AFF1: variants seen among roughly 807,000 people sequenced by gnomAD.
The protein encoded by AFF1 is ALF transcription elongation factor 1, also known as AF4/FMR2 family member 1.
A neutral mutation model predicts 121.7 loss-of-function variants in AFF1; 48 were observed. That is an observed-to-expected ratio of 0.39 (90% CI 0.31 to 0.50). The LOEUF (loss-of-function observed/expected upper bound fraction) is 0.50. Among genes scored for constraint, AFF1 ranks in the 20% least tolerant of loss-of-function variants. The pLI, the probability that AFF1 is intolerant of heterozygous loss-of-function variation, is 0.76. For missense variants in AFF1, 1,523 were observed against 1,511.7 expected, an observed-to-expected ratio of 1.01 and a Z score of -0.12; for synonymous variants, 613 against 563.0, an observed-to-expected ratio of 1.09 and a Z score of -1.26.
intron 4 of AFF1, among the ~76,000 whole-genome samples, chr4:87,056,277 A>T: frequency 6.6e-6 from 1 of 152,200 alleles, no homozygotes; most frequent in East Asian, 1.9e-4. Flanking sequence ...TACAAATAAT[A>T]GAACTCTGAA....
In AFF1 at chr4:87,136,748, A is replaced by C; in HGVS notation, c.*1047A>C. Reference sequence around the variant, plus strand: ...TCAGAGTTTCGTCAGTGAACAAGAAACATGAAATCTGCTTCTTAGAGAGGC... The same window carrying C: ...TCAGAGTTTCGTCAGTGAACAAGAACCATGAAATCTGCTTCTTAGAGAGGC... On this transcript the variant is annotated 3_prime_UTR_variant, in exon 21 of 21. Coordinates refer to ENST00000395146, the MANE Select transcript of AFF1 (RefSeq NM_001166693.3). 4.4e-6 allele frequency: 1 copy of C among 227,790 alleles called. No individual in the cohort carries two copies. Among genetic ancestry groups the C allele is most frequent in the Non-Finnish European group, 8.7e-6 (1 of 114,684 alleles). 14.1% of individuals were successfully genotyped at this position (227,790 alleles called of 1,614,324 possible).
intron 2 of AFF1, among the ~76,000 whole-genome samples, chr4:86,982,944 G>A (rs1363573646): frequency 6.6e-6 from 1 of 151,090 alleles, no homozygotes; most frequent in African/African-American, 2.4e-5. Context: ...ACCAGGAAGT[G>A]AGCCTTTACC....
At chr4:87,105,075 C>G (rs1175508636) in intron 8 of AFF1, among the ~76,000 whole-genome samples, 2 of 152,196 alleles carry the variant, frequency 1.3e-5, no homozygotes, top group African/African-American at 4.8e-5. Flanking sequence ...TTGATAGCAT[C>G]ATACATCTTA....
intron 4 of AFF1, among the ~76,000 whole-genome samples, chr4:87,071,290 A>G (rs1722028378): frequency 6.6e-6 from 1 of 151,866 alleles, no homozygotes; most frequent in African/African-American, 2.4e-5. Flanking sequence ...ACTGTTGGAC[A>G]TTGAGATGGC....
chr4:87,115,823 C>G (rs976843554), intron 12 of AFF1, among the ~76,000 whole-genome samples: 1 of 151,846 alleles, frequency 6.6e-6, no homozygotes, highest in Non-Finnish European at 1.5e-5. Context: ...GTTGGCCAGG[C>G]TGCTCTTGAA....
chr4:87,139,857 A>G lies in AFF1; in HGVS notation c.*4156A>G, dbSNP rs1471993046. ...GGTTTCTCGGTGACTTGGAGTGTTCATCTCTTCATGAATTGTGAGCACTGA... is the reference window on the plus strand; with the variant it reads ...GGTTTCTCGGTGACTTGGAGTGTTCGTCTCTTCATGAATTGTGAGCACTGA... On this transcript the variant is annotated 3_prime_UTR_variant, in exon 21 of 21. Coordinates refer to ENST00000395146, the MANE Select transcript of AFF1 (RefSeq NM_001166693.3). 1 of 224,086 alleles carries G rather than the reference A, an allele frequency of 4.5e-6. No individual in the cohort carries two copies. Among genetic ancestry groups the G allele is most frequent in the Non-Finnish European group, 8.9e-6 (1 of 112,546 alleles). 13.9% of individuals were successfully genotyped at this position (224,086 alleles called of 1,614,324 possible). A position where few individuals can be genotyped will look rare whatever the true frequency, so the allele number is the denominator to read the frequency against.
intron 2 of AFF1, among the ~76,000 whole-genome samples, chr4:87,003,729 G>A (rs1404242915): frequency 6.6e-6 from 1 of 152,132 alleles, no homozygotes; most frequent in Non-Finnish European, 1.5e-5. Context: ...TAGCATAAAT[G>A]ATCACAGTCA....
chr4:87,067,443 C>T (rs1036413566), intron 4 of AFF1, among the ~76,000 whole-genome samples: 1 of 152,162 alleles, frequency 6.6e-6, no homozygotes, highest in Non-Finnish European at 1.5e-5. Context: ...TGTAACTTCA[C>T]GAGAATTACT....
intron 2 of AFF1, among the ~76,000 whole-genome samples, chr4:86,957,691 T>C (rs1313931640): frequency 6.6e-6 from 1 of 152,028 alleles, no homozygotes; most frequent in African/African-American, 2.4e-5. Flanking sequence ...TACAGGTGCA[T>C]GCCACCACAC....
At chr4:87,084,601 T>TAAAA (rs908689990) in intron 5 of AFF1, among the ~76,000 whole-genome samples, 134 of 112,250 alleles carry the variant, frequency 1.2e-3, no homozygotes, top group Middle Eastern at 4.1e-3. Context: ...AATAAATAAA[T>TAAAA]AAAAAATAAA....
At chr4:87,034,192 C>T (rs1398044865) in intron 2 of AFF1, among the ~76,000 whole-genome samples, 1 of 152,094 alleles carries the variant, frequency 6.6e-6, no homozygotes, top group Non-Finnish European at 1.5e-5. Context: ...AGCATGCAAA[C>T]GGGGATTAGC....
At chr4:87,029,845 GTC>G (rs1479715237) in intron 2 of AFF1, among the ~76,000 whole-genome samples, 1 of 152,162 alleles carries the variant, frequency 6.6e-6, no homozygotes, top group Non-Finnish European at 1.5e-5. Flanking sequence ...TTGTGAAAAG[GTC>G]AAGCTTTGGA....
chr4:87,092,550 G>C (rs1344462552), intron 7 of AFF1, among the ~76,000 whole-genome samples: 1 of 151,998 alleles, frequency 6.6e-6, no homozygotes, highest in Admixed American at 6.6e-5. Context: ...TTCAGCCTGA[G>C]GGTTAAATCT....
rs1046615532 is a variant in AFF1, at chr4:87,046,359, A to G, written c.159+73A>G. The G allele has an allele frequency of 4.5e-6, 7 of 1,539,900 alleles. No individual in the cohort carries two copies. In the African/African-American group the frequency reaches 7.0e-5, roughly 15 times the overall value. ...GAACCCTATGATGAAACAATTCAGT[A>G]TAATTGAGTTCGAACAAGGGTCACA... On this transcript the variant is annotated intron_variant, in intron 3 of 20. Transcript: ENST00000395146.
chr4:86,974,688 G>A (rs935426772), intron 2 of AFF1, among the ~76,000 whole-genome samples: 5 of 152,158 alleles, frequency 3.3e-5, no homozygotes, highest in Non-Finnish European at 7.3e-5. Flanking sequence ...CAATAGTCAT[G>A]TAAAATATTT....
intron 2 of AFF1, among the ~76,000 whole-genome samples, chr4:87,022,849 C>T (rs1301943488): frequency 2.0e-5 from 3 of 151,198 alleles, no homozygotes; most frequent in Non-Finnish European, 4.4e-5. Context: ...CAAGCATTGC[C>T]TCAATAAGTA....
chr4:87,084,363 AC>A (rs1723480717), intron 5 of AFF1, among the ~76,000 whole-genome samples, 199 bp downstream of exon 5: 2 of 151,164 alleles, frequency 1.3e-5, no homozygotes, highest in African/African-American at 4.9e-5. Flanking sequence ...ACATAGCAAA[AC>A]CCCGTATCTA....
intron 2 of AFF1, among the ~76,000 whole-genome samples, chr4:86,962,423 T>C (rs1722220270): frequency 6.6e-6 from 1 of 152,218 alleles, no homozygotes; most frequent in Non-Finnish European, 1.5e-5. Flanking sequence ...TATACATTTA[T>C]TTAAAGCCCA....
At chr4:87,110,456 G>GTTTTGTTTTT in intron 11 of AFF1, among the ~76,000 whole-genome samples, 1 of 131,940 alleles carries the variant, frequency 7.6e-6, no homozygotes, top group African/African-American at 2.6e-5. Context: ...GTTTTGTTTT[G>GTTTTGTTTTT]TTTTGTTTTG....
Sources: gnomAD v4.1 joint callset for allele counts (sites outside exome capture counted in the v4.1 genomes callset) on GRCh38, gnomAD v4.1.1 for gene constraint, MANE v1.5 for transcripts, NCBI Gene and HGNC (gene_info 2026-07-23, HGNC 2026-07-21) for gene names.